The following APIP variants were observed in gnomAD, a reference collection of about 807,000 sequenced individuals.
APIP encodes the protein methylthioribulose-1-phosphate dehydratase.
A neutral mutation model predicts 32.0 loss-of-function variants in APIP; 32 were observed. The observed-to-expected ratio is 1.00, with a 90% CI of 0.76 to 1.34. The LOEUF is 1.34. APIP is among the 40% of genes most tolerant of loss of function. APIP has a pLI of 0.00. For synonymous variants in APIP, 92 were observed against 94.8 expected (o/e 0.97, Z 0.17); for missense variants, 247 against 298.6 (o/e 0.83, Z 1.27).
intron 1 of APIP, among the ~76,000 whole-genome samples, chr11:34,914,752 C>T (rs534279784): frequency 6.6e-6 from 1 of 152,032 alleles, no homozygotes; most frequent in South Asian, 2.1e-4. Flanking sequence ...ACCTGTAATC[C>T]CAGCACTTTG....
intron 4 of APIP, 95 bp downstream of exon 4, chr11:34,888,657 G>T: frequency 8.6e-7 from 1 of 1,159,064 alleles, no homozygotes; most frequent in South Asian, 1.5e-5. Context: ...GCACATGGTG[G>T]GTATCCAAGA....
intron 1 of APIP, among the ~76,000 whole-genome samples, chr11:34,910,396 T>C (rs1353029366): frequency 6.6e-6 from 1 of 152,180 alleles, no homozygotes; most frequent in African/African-American, 2.4e-5. Flanking sequence ...ATAGTGTTGC[T>C]ATAAAGAAGG....
intron 1 of APIP, among the ~76,000 whole-genome samples, chr11:34,907,108 A>T (rs1590713864): frequency 6.6e-6 from 1 of 152,264 alleles, no homozygotes; most frequent in African/African-American, 2.4e-5. Context: ...ACCCCCTAAC[A>T]GCAGTTAGGG....
At chr11:34,913,579 G>A (rs1359114992) in intron 1 of APIP, among the ~76,000 whole-genome samples, 1 of 152,106 alleles carries the variant, frequency 6.6e-6, no homozygotes, top group Non-Finnish European at 1.5e-5. Context: ...ACCTTCGCAG[G>A]GAGTGTTACA....
intron 1 of APIP, among the ~76,000 whole-genome samples, chr11:34,896,246 C>T (rs1305962212): frequency 6.6e-6 from 1 of 152,142 alleles, no homozygotes; most frequent in East Asian, 1.9e-4. Context: ...AATCCCATTA[C>T]TGGGATTCTA....
At chr11:34,905,164 A>G (rs776085412) in intron 1 of APIP, among the ~76,000 whole-genome samples, 5 of 152,246 alleles carry the variant, frequency 3.3e-5, no homozygotes, top group Non-Finnish European at 7.3e-5. Context: ...TATTATCCTC[A>G]TAGCAGGAAT....
At chr11:34,889,145 A>G (rs1853142091) in intron 3 of APIP, among the ~76,000 whole-genome samples, 1 of 152,096 alleles carries the variant, frequency 6.6e-6, no homozygotes. Flanking sequence ...CAGAAGTTTA[A>G]TACAAATCCC....
rs1293014505 is a variant in APIP at position 34,916,164 on chromosome 11, G to GCCGCCGGGTC, written c.57+54_57+63dup. The GCCGCCGGGTC allele has an allele frequency of 3.8e-6, 6 of 1,563,786 alleles. No individual in the cohort carries two copies. In the East Asian group the frequency reaches 9.5e-5, roughly 25 times the overall value. On this transcript the variant is annotated intron_variant, in intron 1 of 6. Transcript: ENST00000395787. Reference sequence around the variant, plus strand: ...GCCCGCTACCCTGCGCCCAGCTCCAGCCGCCGGGTCCCGCCTGGGCCTCTC... The same window carrying GCCGCCGGGTC: ...GCCCGCTACCCTGCGCCCAGCTCCAGCCGCCGGGTCCCGCCGGGTCCCGCCTGGGCCTCTC...
At chr11:34,901,394 T>C (rs1041001407) in intron 1 of APIP, among the ~76,000 whole-genome samples, 1 of 92,450 alleles carries the variant, frequency 1.1e-5, no homozygotes, top group Non-Finnish European at 2.8e-5. Context: ...GACTGATGGG[T>C]CCCGGGGGCT....
chr11:34,913,543 C>T (rs1036838025), intron 1 of APIP, among the ~76,000 whole-genome samples: 15 of 152,080 alleles, frequency 9.9e-5, no homozygotes, highest in Non-Finnish European at 2.2e-4. Flanking sequence ...TTCATGGTCT[C>T]GCTGACTTCA....
In APIP at chr11:34,906,095, G is replaced by A. The variant is rs978298616; in HGVS notation, c.57+10133C>T. ...ATATGTAAAGAAGGGAAACTTCTAA[G>A]ATATCAGAAAAATCTGCCGGTGTCT... On this transcript the variant is annotated intron_variant, in intron 1 of 6. Transcript: ENST00000395787. 4.6e-5 allele frequency among the ~76,000 whole-genome samples: 7 copies of A among 152,194 alleles called. No individual in the cohort carries two copies. The East Asian group carries it at 1.4e-3, about 29-fold the overall frequency.
chr11:34,903,921 A>C (rs1853403186), intron 1 of APIP, among the ~76,000 whole-genome samples: 1 of 152,236 alleles, frequency 6.6e-6, no homozygotes, highest in Admixed American at 6.5e-5. Flanking sequence ...GAAAGGATAA[A>C]ACTTATCAAC....
chr11:34,906,378 A>G (rs1187669401), intron 1 of APIP, among the ~76,000 whole-genome samples: 1 of 152,222 alleles, frequency 6.6e-6, no homozygotes, highest in Non-Finnish European at 1.5e-5. Context: ...ATGCCCTCAT[A>G]GGGAGATTTA....
chr11:34,888,580 G>A (rs959566327), intron 4 of APIP, 152 bp from the exon 5 acceptor site: 18 of 1,248,444 alleles, frequency 1.4e-5, no homozygotes, highest in Middle Eastern at 2.7e-4. Context: ...AGGAGGGTAA[G>A]TGGAATAATG....
At chr11:34,888,551 G>C (rs940107509) in intron 4 of APIP, 123 bp from the exon 5 acceptor site, 3 of 1,407,530 alleles carry the variant, frequency 2.1e-6, no homozygotes, top group Non-Finnish European at 2.8e-6. Context: ...TCCTGGCATG[G>C]AATAAGTTGG....
chr11:34,910,487 A>T (rs11032923), intron 1 of APIP, among the ~76,000 whole-genome samples: 28,696 of 152,036 alleles, frequency 0.19, 3,846 homozygotes, highest in African/African-American at 0.39. Flanking sequence ...ATGAGGAGAC[A>T]GGGAAAGATT....
At chr11:34,912,352 A>T (rs543759577) in intron 1 of APIP, among the ~76,000 whole-genome samples, 2 of 152,312 alleles carry the variant, frequency 1.3e-5, no homozygotes, top group East Asian at 3.9e-4. Context: ...ACAGAATAAT[A>T]TAAATACACA....
At chr11:34,887,444 C>G (rs1853096881) in intron 5 of APIP, among the ~76,000 whole-genome samples, 1 of 152,130 alleles carries the variant, frequency 6.6e-6, no homozygotes, top group Non-Finnish European at 1.5e-5. Context: ...TTTCACAGTC[C>G]TGAGGAATGC....
At chr11:34,887,394 A>G (rs754459056) in intron 5 of APIP, among the ~76,000 whole-genome samples, 37 of 152,292 alleles carry the variant, frequency 2.4e-4, no homozygotes, top group Non-Finnish European at 4.9e-4. Context: ...CAGTATGTAC[A>G]CTTCTCTTAA....
Sources: allele counts gnomAD v4.1 joint callset (sites outside exome capture counted in the v4.1 genomes callset), GRCh38; gene constraint gnomAD v4.1.1; transcripts MANE v1.5; gene names NCBI Gene and HGNC (gene_info 2026-07-23, HGNC 2026-07-21).